The following GRID1 variants were observed in gnomAD, a reference collection of about 807,000 sequenced individuals.
GRID1 encodes the protein glutamate receptor ionotropic, delta-1.
A neutral mutation model predicts 98.0 loss-of-function variants in GRID1; 28 were observed. The observed-to-expected ratio is 0.29, with a 90% CI of 0.21 to 0.39. The LOEUF is 0.39. Among genes scored for constraint, GRID1 ranks in the 10% least tolerant of loss-of-function variants. GRID1 has a pLI of 1.00. For synonymous variants in GRID1, 553 were observed against 538.5 expected (o/e 1.03, Z -0.37); for missense variants, 1,111 against 1,340.5 (o/e 0.83, Z 2.67).
intron 4 of GRID1, among the ~76,000 whole-genome samples, chr10:85,926,027 G>A (rs1285390804): frequency 2.0e-5 from 3 of 152,090 alleles, no homozygotes; most frequent in South Asian, 2.1e-4. Flanking sequence ...TCTTTTTTAC[G>A]AGCCTGACTT....
chr10:86,065,285 G>A (rs1843704658), intron 4 of GRID1, among the ~76,000 whole-genome samples: 1 of 152,220 alleles, frequency 6.6e-6, no homozygotes, highest in African/African-American at 2.4e-5. Context: ...AAACTCCAAG[G>A]TTAGAGCCCA....
chr10:86,294,950 G>A (rs566528277), intron 2 of GRID1, among the ~76,000 whole-genome samples: 99 of 152,290 alleles, frequency 6.5e-4, no homozygotes, highest in Admixed American at 3.9e-3. Context: ...TCCTGAGCCC[G>A]GGGAACAGTG....
chr10:86,233,362 C>T (rs118003643), intron 2 of GRID1, among the ~76,000 whole-genome samples: 6,450 of 152,324 alleles, frequency 0.042, 247 homozygotes, highest in Admixed American at 0.11. Flanking sequence ...AGTCCTCCCA[C>T]AAAGCCAGGC....
At chr10:86,300,941 C>T (rs1477043789) in intron 2 of GRID1, among the ~76,000 whole-genome samples, 1 of 152,152 alleles carries the variant, frequency 6.6e-6, no homozygotes, top group Non-Finnish European at 1.5e-5. Context: ...AGAGTGGGAG[C>T]TTTGGAAGCA....
chr10:85,895,647 A>T (rs1244900110), intron 5 of GRID1, among the ~76,000 whole-genome samples: 1 of 152,138 alleles, frequency 6.6e-6, no homozygotes, highest in Admixed American at 6.5e-5. Flanking sequence ...AGGGACAAAA[A>T]CCTAATGGTT....
At chr10:85,991,002 C>T (rs1441440111) in intron 4 of GRID1, among the ~76,000 whole-genome samples, 1 of 152,116 alleles carries the variant, frequency 6.6e-6, no homozygotes, top group African/African-American at 2.4e-5. Flanking sequence ...GCATGGGTAA[C>T]CTTTGTTCTG....
intron 2 of GRID1, among the ~76,000 whole-genome samples, chr10:86,239,308 C>A (rs191308392): frequency 3.2e-4 from 48 of 152,314 alleles, no homozygotes; most frequent in Non-Finnish European, 1.5e-5. Flanking sequence ...AATGCCTGCA[C>A]CCCCATTGTA....
At chr10:85,847,304 G>T (rs2131775581) in intron 8 of GRID1, among the ~76,000 whole-genome samples, 1 of 152,286 alleles carries the variant, frequency 6.6e-6, no homozygotes, top group African/African-American at 2.4e-5. Flanking sequence ...GCCAAGTTGA[G>T]ATATGAAAAA....
At position 85,793,171 on chromosome 10, in the gene GRID1, C is replaced by G. The variant is rs577378044; in HGVS notation, c.1233+61325G>C. On this transcript the variant is annotated intron_variant, in intron 8 of 15. Coordinates refer to ENST00000327946, the MANE Select transcript of GRID1 (RefSeq NM_017551.3). ...TCTCCCAAAGGGTTCCATGATCCAG[C>G]CATGCGAAATCCACTGCCTCAACCA... is the stretch of plus-strand genomic sequence containing the variant. 5.7e-4 allele frequency among the ~76,000 whole-genome samples: 87 copies of G among 152,298 alleles called. 1 individual carries two copies. The highest frequency in any genetic ancestry group is 2.0e-3 in the African/African-American group (83 of 41,580).
chr10:86,190,635 A>T (rs11201935), intron 3 of GRID1, among the ~76,000 whole-genome samples: 6,678 of 152,322 alleles, frequency 0.044, 197 homozygotes, highest in South Asian at 0.079. Flanking sequence ...TTCCCTGCAC[A>T]AGCCAGGCTA....
At chr10:86,051,416 G>C (rs939565787) in intron 4 of GRID1, among the ~76,000 whole-genome samples, 1 of 150,818 alleles carries the variant, frequency 6.6e-6, no homozygotes, top group Non-Finnish European at 1.5e-5. Flanking sequence ...CTTTGTACTA[G>C]GGAATGTTTT....
At chr10:86,358,922 G>C (rs772057638) in intron 2 of GRID1, among the ~76,000 whole-genome samples, 1 of 151,892 alleles carries the variant, frequency 6.6e-6, no homozygotes, top group African/African-American at 2.4e-5. Flanking sequence ...GCCTTGACCC[G>C]CCATTGCTGG....
chr10:85,926,203 G>C (rs1420405623), intron 4 of GRID1, among the ~76,000 whole-genome samples: 1 of 152,106 alleles, frequency 6.6e-6, no homozygotes, highest in Non-Finnish European at 1.5e-5. Flanking sequence ...AGTACACTGG[G>C]GGAGAAGAGG....
chr10:86,246,051 G>A (rs967024830), intron 2 of GRID1, among the ~76,000 whole-genome samples: 1 of 152,256 alleles, frequency 6.6e-6, no homozygotes, highest in Non-Finnish European at 1.5e-5. Context: ...GGGCCAAGAC[G>A]ACCCAGGGTC....
At chr10:85,630,386 G>A (rs1327981662) in intron 13 of GRID1, among the ~76,000 whole-genome samples, 1 of 152,128 alleles carries the variant, frequency 6.6e-6, no homozygotes, top group Non-Finnish European at 1.5e-5. Flanking sequence ...TTGAAGAAAC[G>A]CAGACAACAA....
intron 14 of GRID1, among the ~76,000 whole-genome samples, chr10:85,618,323 A>G (rs183919471): frequency 3.3e-5 from 5 of 152,230 alleles, no homozygotes; most frequent in Non-Finnish European, 7.4e-5. Context: ...GGGCTCTCTT[A>G]CCATCTGTTC....
At chr10:86,126,679 C>T (rs11201889) in intron 4 of GRID1, among the ~76,000 whole-genome samples, 3,133 of 152,268 alleles carry the variant, frequency 0.021, 47 homozygotes, top group Middle Eastern at 0.062. Flanking sequence ...CAGAGTTGGC[C>T]AACAAAGAGT....
chr10:85,967,455 G>A (rs1842351796), intron 4 of GRID1, among the ~76,000 whole-genome samples: 1 of 152,128 alleles, frequency 6.6e-6, no homozygotes, highest in African/African-American at 2.4e-5. Flanking sequence ...AAATATATGA[G>A]ACATTCAGAA....
At chr10:86,330,928 C>T (rs570703598) in intron 2 of GRID1, among the ~76,000 whole-genome samples, 28 of 152,324 alleles carry the variant, frequency 1.8e-4, no homozygotes, top group Non-Finnish European at 3.2e-4. Flanking sequence ...CAGCAAGTTC[C>T]CGCAGCCAAG....
Sources: gnomAD v4.1 joint callset for allele counts (sites outside exome capture counted in the v4.1 genomes callset) on GRCh38, gnomAD v4.1.1 for gene constraint, MANE v1.5 for transcripts, NCBI Gene and HGNC (gene_info 2026-07-23, HGNC 2026-07-21) for gene names.